LIMCH1: variants seen among roughly 807,000 people sequenced by gnomAD.
The protein encoded by LIMCH1 is LIM and calponin homology domains 1.
Under a neutral mutation model 176.5 loss-of-function variants are expected in LIMCH1, and 113 were observed. That is an observed-to-expected ratio of 0.64 (90% confidence interval 0.55 to 0.75). The LOEUF (loss-of-function observed/expected upper bound fraction) is 0.75. LIMCH1 is among the 30% of genes least tolerant of loss of function. LIMCH1 has a pLI of 0.00. For synonymous variants in LIMCH1, 619 were observed against 645.9 expected (o/e 0.96, Z 0.63); for missense variants, 1,674 against 1,814.9 (o/e 0.92, Z 1.41).
At chr4:41,384,295 C>T (rs554447541) in intron 1 of LIMCH1, among the ~76,000 whole-genome samples, 1 of 151,864 alleles carries the variant, frequency 6.6e-6, no homozygotes, top group East Asian at 1.9e-4. Flanking sequence ...AGCTCCGTCT[C>T]CTGGGTTGAC....
chr4:41,563,011 A>G (rs1004612462), intron 1 of LIMCH1, among the ~76,000 whole-genome samples: 1 of 152,164 alleles, frequency 6.6e-6, no homozygotes, highest in Non-Finnish European at 1.5e-5. Flanking sequence ...AGATGGGTCT[A>G]TTTTCCTCTC....
At chr4:41,514,752 A>G (rs1397016252) in intron 2 of LIMCH1, among the ~76,000 whole-genome samples, 1 of 152,112 alleles carries the variant, frequency 6.6e-6, no homozygotes, top group Non-Finnish European at 1.5e-5. Context: ...GGTGAATAAA[A>G]CACCACGCCT....
intron 1 of LIMCH1, among the ~76,000 whole-genome samples, chr4:41,571,596 T>G (rs754725269): frequency 1.3e-5 from 2 of 152,118 alleles, no homozygotes; most frequent in African/African-American, 2.4e-5. Context: ...AATGAATTTA[T>G]AAGGGAGCCA....
chr4:41,691,592 C>CAAAAAAAA (rs796984431), intron 30 of LIMCH1, among the ~76,000 whole-genome samples: 165 of 62,234 alleles, frequency 2.7e-3, no homozygotes, highest in African/African-American at 4.7e-3. Flanking sequence ...ACTAAAAATA[C>CAAAAAAAA]AAAAAAAAAA....
At chr4:41,568,389 G>A (rs566306486) in intron 1 of LIMCH1, among the ~76,000 whole-genome samples, 11 of 152,324 alleles carry the variant, frequency 7.2e-5, no homozygotes, top group Non-Finnish European at 1.3e-4. Flanking sequence ...CTGACCTGAT[G>A]CACCGGAGTT....
chr4:41,640,395 G>A (rs2152907904), intron 14 of LIMCH1, among the ~76,000 whole-genome samples: 1 of 152,318 alleles, frequency 6.6e-6, no homozygotes, highest in South Asian at 2.1e-4. Context: ...TGAAAGAAAG[G>A]AAGGGAAATT....
chr4:41,614,809 T>C (rs1249168897), intron 5 of LIMCH1, among the ~76,000 whole-genome samples: 1 of 152,186 alleles, frequency 6.6e-6, no homozygotes, highest in Non-Finnish European at 1.5e-5. Flanking sequence ...CATTTACAAG[T>C]TACAAAAAAA....
At chr4:41,661,931 T>A in intron 19 of LIMCH1, 1 of 415,762 alleles carries the variant, frequency 2.4e-6, no homozygotes, top group Non-Finnish European at 4.7e-6. Flanking sequence ...AATAGTGCCA[T>A]GAATCTGGAC....
At chr4:41,626,629 C>G in intron 7 of LIMCH1, 79 bp from the exon 8 acceptor site, 2 of 1,149,916 alleles carry the variant, frequency 1.7e-6, no homozygotes, top group Middle Eastern at 2.0e-4. Flanking sequence ...ACTAACAACA[C>G]AGTTGTCTGT....
intron 7 of LIMCH1, among the ~76,000 whole-genome samples, chr4:41,624,267 CG>C (rs2092787884): frequency 6.6e-6 from 1 of 151,942 alleles, no homozygotes; most frequent in East Asian, 1.9e-4. Context: ...TTCTCAACCA[CG>C]TAGTAATTAA....
chr4:41,493,693 G>A (rs945139215), intron 1 of LIMCH1, among the ~76,000 whole-genome samples: 3 of 152,146 alleles, frequency 2.0e-5, no homozygotes, highest in Non-Finnish European at 2.9e-5. Context: ...ATTGAGGGAT[G>A]CCTGTATACT....
intron 1 of LIMCH1, among the ~76,000 whole-genome samples, chr4:41,406,780 T>C (rs1419765317): frequency 6.6e-6 from 1 of 152,174 alleles, no homozygotes; most frequent in African/African-American, 2.4e-5. Context: ...TTGATGTGTG[T>C]GGTAAGAATT....
chr4:41,496,604 G>A (rs1053327187), intron 2 of LIMCH1, among the ~76,000 whole-genome samples: 2 of 152,202 alleles, frequency 1.3e-5, no homozygotes, highest in African/African-American at 2.4e-5. Flanking sequence ...GGTGACTGGG[G>A]ACAGGGGAGG....
At chr4:41,667,253 G>T (rs973812431) in intron 21 of LIMCH1, among the ~76,000 whole-genome samples, 2 of 151,880 alleles carry the variant, frequency 1.3e-5, no homozygotes, top group African/African-American at 4.8e-5. Context: ...GTAATTTTGA[G>T]AAAAAGCTTT....
At chr4:41,586,528 A>G (rs7660309) in intron 1 of LIMCH1, among the ~76,000 whole-genome samples, 53,015 of 152,036 alleles carry the variant, frequency 0.35, 14,797 homozygotes, top group African/African-American at 0.78. Flanking sequence ...AAATATATGG[A>G]AACTGTTTAA....
chr4:41,442,709 A>T (rs1451296173), intron 1 of LIMCH1, among the ~76,000 whole-genome samples: 1 of 152,234 alleles, frequency 6.6e-6, no homozygotes, highest in African/African-American at 2.4e-5. Context: ...ACACAGATGC[A>T]CACTTGTTAT....
intron 1 of LIMCH1, 47 bp downstream of exon 1, chr4:41,538,397 T>C (rs1583687573): frequency 1.0e-6 from 1 of 960,494 alleles, no homozygotes; most frequent in East Asian, 1.2e-4. Context: ...GGGGTATCCA[T>C]GATGGAAAGA....
At chr4:41,688,560 C>T (rs1181966478) in intron 29 of LIMCH1, among the ~76,000 whole-genome samples, 1 of 152,174 alleles carries the variant, frequency 6.6e-6, no homozygotes, top group Non-Finnish European at 1.5e-5. Context: ...TCTCCTGTCC[C>T]TCTGTATCCT....
chr4:41,460,671 C>G (rs1372287401), intron 1 of LIMCH1, among the ~76,000 whole-genome samples: 1 of 152,038 alleles, frequency 6.6e-6, no homozygotes, highest in Non-Finnish European at 1.5e-5. Flanking sequence ...GAGCCACCTG[C>G]TTTAATCATG....
Sources: gnomAD v4.1 joint callset for allele counts (sites outside exome capture counted in the v4.1 genomes callset) on GRCh38, gnomAD v4.1.1 for gene constraint, MANE v1.5 for transcripts, NCBI Gene and HGNC (gene_info 2026-07-23, HGNC 2026-07-21) for gene names.